The following LCLAT1 variants were observed in gnomAD, a reference collection of about 807,000 sequenced individuals.
LCLAT1 encodes the protein 1-AGP acyltransferase 8.
A neutral mutation model predicts 30.7 loss-of-function variants in LCLAT1; 11 were observed. The observed-to-expected ratio is 0.36, with a 90% CI of 0.23 to 0.59. The LOEUF is 0.59. Among genes scored for constraint, LCLAT1 ranks in the 20% least tolerant of loss-of-function variants. The probability of loss-of-function intolerance (pLI) is 0.77; values close to 1 mark genes in which losing one functional copy is unlikely to be tolerated. For missense variants in LCLAT1, 402 were observed against 458.6 expected (o/e 0.88, Z 1.13); for synonymous variants, 155 against 151.3 (o/e 1.02, Z -0.18).
At chr2:30,541,663 ATTAC>A (rs1664144456) in intron 3 of LCLAT1, among the ~76,000 whole-genome samples, 1 of 152,170 alleles carries the variant, frequency 6.6e-6, no homozygotes, top group Non-Finnish European at 1.5e-5. Flanking sequence ...CTTTTAATGT[ATTAC>A]TTACATTCAA....
At chr2:30,620,170 A>C (rs1668173600) in intron 5 of LCLAT1, among the ~76,000 whole-genome samples, 1 of 152,146 alleles carries the variant, frequency 6.6e-6, no homozygotes, top group African/African-American at 2.4e-5. Flanking sequence ...CCAGCTCTTG[A>C]ATACAACTTC....
intron 5 of LCLAT1, among the ~76,000 whole-genome samples, chr2:30,573,103 T>A (rs181313424): frequency 6.6e-6 from 1 of 152,216 alleles, no homozygotes; most frequent in African/African-American, 2.4e-5. Flanking sequence ...CTGTTAAAAA[T>A]TGGAAAATTA....
chr2:30,460,743 A>G (rs552246683), intron 1 of LCLAT1, among the ~76,000 whole-genome samples: 27 of 152,278 alleles, frequency 1.8e-4, no homozygotes, highest in African/African-American at 5.5e-4. Flanking sequence ...TGTCCACATC[A>G]GAGAGACCTT....
chr2:30,453,142 T>C (rs1197153298), intron 1 of LCLAT1, among the ~76,000 whole-genome samples: 2 of 152,200 alleles, frequency 1.3e-5, no homozygotes, highest in Non-Finnish European at 2.9e-5. Flanking sequence ...TATATAAGCG[T>C]ATATAGTTCA....
chr2:30,605,790 A>C (rs1422258207), intron 5 of LCLAT1, among the ~76,000 whole-genome samples: 1 of 152,076 alleles, frequency 6.6e-6, no homozygotes, highest in Non-Finnish European at 1.5e-5. Context: ...GTGGTCCCCA[A>C]CCTTTTTGGC....
At chr2:30,586,401 C>A (rs1313103053) in intron 5 of LCLAT1, among the ~76,000 whole-genome samples, 1 of 152,136 alleles carries the variant, frequency 6.6e-6, no homozygotes, top group East Asian at 1.9e-4. Flanking sequence ...CTTAGGCATT[C>A]CTTGATTTAT....
chr2:30,607,327 C>T (rs115798433), intron 5 of LCLAT1: 2,323 of 152,244 alleles, frequency 0.015, 19 homozygotes, highest in Middle Eastern at 0.031. Context: ...TGAGCCACCG[C>T]GCCCAGCCAA....
At chr2:30,539,409 C>T (rs1664009229) in intron 3 of LCLAT1, among the ~76,000 whole-genome samples, 1 of 151,980 alleles carries the variant, frequency 6.6e-6, no homozygotes, top group Non-Finnish European at 1.5e-5. Flanking sequence ...CAAGCTGGCA[C>T]AATGATGCCT....
chr2:30,595,742 T>TAAGTA lies in LCLAT1; in HGVS notation c.628+27567_628+27571dup, dbSNP rs778310935. 3.3e-4 allele frequency among the ~76,000 whole-genome samples: 50 copies of TAAGTA among 152,138 alleles called. 1 individual carries two copies. Among genetic ancestry groups the TAAGTA allele is most frequent in the Non-Finnish European group, 5.9e-4 (40 of 68,022 alleles). ...TTGCTGCACCTATCAACCCATCACC[T>TAAGTA]AAGTATTAAGCCCAGCATGCATTAG... is the stretch of plus-strand genomic sequence containing the variant. On this transcript the variant is annotated intron_variant, in intron 5 of 5. Coordinates refer to ENST00000379509, the MANE Select transcript of LCLAT1 (RefSeq NM_001002257.3).
rs1290433803 is a variant in LCLAT1, at chr2:30,447,295, G to T, written c.-93G>T. 1.3e-5 allele frequency: 2 copies of T among 151,896 alleles called. No homozygotes were observed. The highest frequency in any genetic ancestry group is 2.9e-5 in the Non-Finnish European group (2 of 67,936). The allele number at this position is 151,896 out of a possible 1,614,324, so 9.4% of individuals were successfully genotyped here. On this transcript the variant is annotated 5_prime_UTR_variant, in exon 1 of 6. Coordinates refer to ENST00000379509, the MANE Select transcript of LCLAT1 (RefSeq NM_001002257.3). The stretch of plus-strand genomic sequence containing the variant: ...CGCGTTACGGGATGAATTAACGGCG[G>T]GTTCCGCACGGAGGTTGTGACCCCT...
Position 30,459,470 on chromosome 2 carries a change from C to T in LCLAT1, c.-5+12087C>T, listed in dbSNP as rs952292713. 6 of 694,906 alleles carry T rather than the reference C, an allele frequency of 8.6e-6. No individual in the cohort carries two copies. In the East Asian group the frequency reaches 1.2e-4, roughly 14 times the overall value. The allele number at this position is 694,906 out of a possible 1,614,324, so 43.0% of individuals were successfully genotyped here. A position where few individuals can be genotyped will look rare whatever the true frequency, so the allele number is the denominator to read the frequency against. On this transcript the variant is annotated intron_variant, in intron 1 of 5. Transcript: ENST00000379509. The stretch of plus-strand genomic sequence containing the variant: ...GGTCCCTGGGCCCGTAATCTGTTTA[C>T]TCCATGAACCATCTGATGAGCCCGG...
chr2:30,483,918 G>T (rs1008807861), intron 1 of LCLAT1, among the ~76,000 whole-genome samples: 4 of 152,044 alleles, frequency 2.6e-5, no homozygotes, highest in Non-Finnish European at 4.4e-5. Flanking sequence ...TCAGTGATTT[G>T]GGGCATTTTT....
chr2:30,526,710 CA>C (rs1219296143), intron 2 of LCLAT1, among the ~76,000 whole-genome samples: 23 of 152,266 alleles, frequency 1.5e-4, no homozygotes, highest in Non-Finnish European at 2.5e-4. Context: ...ACGTACCTAG[CA>C]TTTTGCTAGG....
At chr2:30,518,841 C>T (rs989906603) in intron 1 of LCLAT1, among the ~76,000 whole-genome samples, 2 of 152,152 alleles carry the variant, frequency 1.3e-5, no homozygotes, top group African/African-American at 4.8e-5. Context: ...ACTGTTTTAC[C>T]CCAAGGGTTC....
At position 30,464,708 on chromosome 2, in the gene LCLAT1, C is replaced by T. The variant is rs534078186; in HGVS notation, c.-5+17325C>T. 5.3e-5 allele frequency among the ~76,000 whole-genome samples: 8 copies of T among 152,240 alleles called. No individual in the cohort carries two copies. The South Asian group carries it at 1.7e-3, about 32-fold the overall frequency. On this transcript the variant is annotated intron_variant, in intron 1 of 5. Coordinates refer to ENST00000379509, the MANE Select transcript of LCLAT1 (RefSeq NM_001002257.3). ...ATATACCCTGTGATAGTTTCCTGTG[C>T]ACCTGATGAAATTCCCGAGTTAATT...
chr2:30,457,982 C>A (rs1365523388), intron 1 of LCLAT1, among the ~76,000 whole-genome samples: 2 of 151,794 alleles, frequency 1.3e-5, no homozygotes, highest in African/African-American at 4.8e-5. Context: ...TTTTAAAAAA[C>A]TCTTTATTAG....
At position 30,516,545 on chromosome 2, in the gene LCLAT1, C is replaced by T. The variant is rs543286150; in HGVS notation, c.-4-9042C>T. ...TTCCACGGTTCTGTTCTGTGACCCACGGCTTCTAACAGAGCTATAACACTC... is the reference window on the plus strand; with the variant it reads ...TTCCACGGTTCTGTTCTGTGACCCATGGCTTCTAACAGAGCTATAACACTC... On this transcript the variant is annotated intron_variant, in intron 1 of 5. Coordinates refer to ENST00000379509, the MANE Select transcript of LCLAT1 (RefSeq NM_001002257.3). Among the ~76,000 whole-genome samples, 7 of 152,286 alleles carry T rather than the reference C, an allele frequency of 4.6e-5. No homozygotes were observed. In the South Asian group the frequency reaches 6.2e-4, roughly 14 times the overall value.
intron 5 of LCLAT1, among the ~76,000 whole-genome samples, chr2:30,583,686 G>T (rs1666301648): frequency 6.6e-6 from 1 of 152,140 alleles, no homozygotes; most frequent in Non-Finnish European, 1.5e-5. Flanking sequence ...AGAAGAAAAT[G>T]AATCTTGACG....
intron 5 of LCLAT1, chr2:30,607,639 G>C (rs1667517784): frequency 6.6e-6 from 1 of 152,012 alleles, no homozygotes; most frequent in Non-Finnish European, 1.5e-5. Context: ...ACTTTTTATT[G>C]TTACTTGAGT....
Sources: allele counts gnomAD v4.1 joint callset (sites outside exome capture counted in the v4.1 genomes callset), GRCh38; gene constraint gnomAD v4.1.1; transcripts MANE v1.5; gene names NCBI Gene and HGNC (gene_info 2026-07-23, HGNC 2026-07-21).